The following MITF variants were observed in gnomAD, a reference collection of about 807,000 sequenced individuals.
The protein encoded by MITF is melanocyte inducing transcription factor, also known as microphthalmia-associated transcription factor.
A neutral mutation model predicts 60.5 loss-of-function variants in MITF; 17 were observed. The observed-to-expected ratio is 0.28, with a 90% CI of 0.19 to 0.42. MITF has a LOEUF of 0.42. Ranked by LOEUF, MITF falls within the 10% of genes least tolerant of loss-of-function variation. The pLI, the probability that MITF is intolerant of heterozygous loss-of-function variation, is 1.00. For synonymous variants in MITF, 260 were observed against 248.5 expected (o/e 1.05, Z -0.43); for missense variants, 622 against 683.5 (o/e 0.91, Z 1.00).
intron 9 of MITF, among the ~76,000 whole-genome samples, chr3:69,960,369 G>A (rs1027380554): frequency 1.3e-5 from 2 of 152,202 alleles, no homozygotes; most frequent in Non-Finnish European, 2.9e-5. Flanking sequence ...CCATTTGTGC[G>A]TCATCCTACT....
intron 1 of MITF, among the ~76,000 whole-genome samples, chr3:69,840,567 T>A (rs2063617722): frequency 6.6e-6 from 1 of 152,032 alleles, no homozygotes; most frequent in South Asian, 2.1e-4. Context: ...CCATAATGAC[T>A]TACCAAAGAG....
intron 1 of MITF, among the ~76,000 whole-genome samples, chr3:69,874,793 A>G (rs533812442): frequency 3.2e-4 from 48 of 152,340 alleles, no homozygotes; most frequent in African/African-American, 1.2e-3. Context: ...AGATGTTTGG[A>G]TGCTGGAGCA....
intron 1 of MITF, among the ~76,000 whole-genome samples, chr3:69,819,546 G>A (rs1169625680): frequency 6.6e-6 from 1 of 152,208 alleles, no homozygotes; most frequent in Non-Finnish European, 1.5e-5. Context: ...ACACTTCTCA[G>A]AATATCTTCT....
chr3:69,755,458 T>G (rs1704108755), intron 1 of MITF, among the ~76,000 whole-genome samples: 1 of 139,436 alleles, frequency 7.2e-6, no homozygotes, highest in African/African-American at 2.6e-5. Context: ...TTTTTTTTTT[T>G]TTTTTTTTTT....
At chr3:69,910,337 T>C (rs757310313) in intron 2 of MITF, among the ~76,000 whole-genome samples, 6 of 152,202 alleles carry the variant, frequency 3.9e-5, no homozygotes, top group Non-Finnish European at 7.4e-5. Context: ...GGTGGGGCCC[T>C]CATGGAGAAC....
intron 1 of MITF, among the ~76,000 whole-genome samples, chr3:69,783,963 T>C (rs2062607812): frequency 6.6e-6 from 1 of 152,222 alleles, no homozygotes. Context: ...ATTTTGTCTT[T>C]TTTTGTTCCC....
At chr3:69,826,325 C>T (rs940124750) in intron 1 of MITF, among the ~76,000 whole-genome samples, 28 of 152,158 alleles carry the variant, frequency 1.8e-4, no homozygotes, top group Admixed American at 6.5e-4. Context: ...CTTACTTGGG[C>T]CTGGCATCTT....
intron 1 of MITF, among the ~76,000 whole-genome samples, chr3:69,757,560 A>G (rs1213015789): frequency 6.6e-6 from 1 of 152,140 alleles, no homozygotes; most frequent in Admixed American, 6.5e-5. Context: ...CGAACTCTGC[A>G]TTTTAGTGAG....
intron 5 of MITF, among the ~76,000 whole-genome samples, chr3:69,942,799 G>A (rs2065999940): frequency 6.6e-6 from 1 of 152,106 alleles, no homozygotes; most frequent in African/African-American, 2.4e-5. Flanking sequence ...ACACTTGGGG[G>A]AGCATGCCCT....
At chr3:69,877,970 G>A (rs1047569042) in intron 1 of MITF, among the ~76,000 whole-genome samples, 19 of 152,020 alleles carry the variant, frequency 1.2e-4, no homozygotes, top group African/African-American at 3.9e-4. Context: ...AAACACAGAC[G>A]TTAAAAAATA....
rs545840451 is a variant in MITF, at chr3:69,741,890, T to C, written c.104+2189T>C. On this transcript the variant is annotated intron_variant, in intron 1 of 9. Coordinates refer to ENST00000352241, the MANE Select transcript of MITF (RefSeq NM_001354604.2). ...TTCTCTCTCATTGCTTTTTGTCTTA[T>C]GTTTTTGCTGGGGCACCTCACTTCT... 4.6e-5 allele frequency among the ~76,000 whole-genome samples: 7 copies of C among 152,332 alleles called. 1 individual carries two copies. In the South Asian group the frequency reaches 1.2e-3, roughly 27 times the overall value.
rs145805943 is a variant in MITF at position 69,767,666 on chromosome 3, C to T, written c.104+27965C>T. On this transcript the variant is annotated intron_variant, in intron 1 of 9. Coordinates refer to ENST00000352241, the MANE Select transcript of MITF (RefSeq NM_001354604.2). ...ATGAGAGGAAAGCATTCCAGGTAGA[C>T]CGAGGCATGGAGGTGCAGCATAGTG... is the stretch of plus-strand genomic sequence containing the variant. 5.7e-3 allele frequency among the ~76,000 whole-genome samples: 869 copies of T among 152,214 alleles called. 6 individuals carry two copies. The highest frequency in any genetic ancestry group is 8.6e-3 in the Non-Finnish European group (585 of 68,010).
intron 1 of MITF, among the ~76,000 whole-genome samples, chr3:69,846,816 CAAAAA>C (rs375853591): frequency 1.1e-4 from 11 of 100,302 alleles, no homozygotes; most frequent in African/African-American, 3.7e-4. Flanking sequence ...GACTCTTTCT[CAAAAA>C]AAAAAAAAAA....
chr3:69,867,697 C>G (rs1388331282), intron 1 of MITF, among the ~76,000 whole-genome samples: 1 of 151,398 alleles, frequency 6.6e-6, no homozygotes, highest in Admixed American at 6.6e-5. Context: ...TATACTCTAA[C>G]TTACTAATTT....
chr3:69,950,117 GACA>G (rs561330551), intron 6 of MITF, among the ~76,000 whole-genome samples: 2 of 151,842 alleles, frequency 1.3e-5, no homozygotes, highest in Non-Finnish European at 1.5e-5. Context: ...ATTACTGCAA[GACA>G]ACAACAACAA....
chr3:69,915,579 A>G (rs1239755431), intron 2 of MITF, among the ~76,000 whole-genome samples: 1 of 152,110 alleles, frequency 6.6e-6, no homozygotes, highest in Non-Finnish European at 1.5e-5. Context: ...TAATAAAACC[A>G]TAACCCTATG....
At chr3:69,817,861 C>A (rs1303888629) in intron 1 of MITF, among the ~76,000 whole-genome samples, 1 of 151,992 alleles carries the variant, frequency 6.6e-6, no homozygotes, top group Non-Finnish European at 1.5e-5. Flanking sequence ...CAATATCAAG[C>A]CTTTTGGGGT....
intron 2 of MITF, among the ~76,000 whole-genome samples, chr3:69,935,876 G>A (rs2065821761): frequency 6.6e-6 from 1 of 152,106 alleles, no homozygotes. Flanking sequence ...ATATATCAGT[G>A]TTGTATATGA....
chr3:69,911,000 C>A (rs1333913145), intron 2 of MITF, among the ~76,000 whole-genome samples: 1 of 152,030 alleles, frequency 6.6e-6, no homozygotes, highest in Non-Finnish European at 1.5e-5. Context: ...CTACCCAAAT[C>A]TCAACTTGAA....
Sources: gnomAD v4.1 joint callset for allele counts (sites outside exome capture counted in the v4.1 genomes callset) on GRCh38, gnomAD v4.1.1 for gene constraint, MANE v1.5 for transcripts, NCBI Gene and HGNC (gene_info 2026-07-23, HGNC 2026-07-21) for gene names.